ANP32A: variants seen among roughly 807,000 people sequenced by gnomAD.
ANP32A encodes acidic leucine-rich nuclear phosphoprotein 32 family member A.
ANP32A carries 1 observed loss-of-function variant against 33.9 expected under a neutral mutation model. That is an observed-to-expected ratio of 0.03 (90% CI 0.01 to 0.14). ANP32A has a LOEUF of 0.14. ANP32A is among the 10% of genes least tolerant of loss of function. The pLI is 1.00. For synonymous variants in ANP32A, 115 were observed against 120.5 expected, an observed-to-expected ratio of 0.95 and a Z score of 0.30; for missense variants, 155 against 306.0, an observed-to-expected ratio of 0.51 and a Z score of 3.68.
chr15:68,785,633 C>A (rs772175908), intron 3 of ANP32A, among the ~76,000 whole-genome samples: 2 of 152,176 alleles, frequency 1.3e-5, no homozygotes, highest in Non-Finnish European at 2.9e-5. Context: ...GCAAGCCCAG[C>A]ACCTGCTACC....
chr15:68,819,616 T>C (rs1476470173), intron 1 of ANP32A, among the ~76,000 whole-genome samples: 2 of 152,186 alleles, frequency 1.3e-5, no homozygotes, highest in Admixed American at 6.5e-5. Flanking sequence ...CCGTGCCCAT[T>C]TATTAAGCAG....
intron 1 of ANP32A, among the ~76,000 whole-genome samples, chr15:68,804,630 C>T (rs143828655): frequency 1.5e-3 from 222 of 152,318 alleles, no homozygotes; most frequent in African/African-American, 5.2e-3. Flanking sequence ...ATTCTCCTGC[C>T]TCAGCCTCCT....
intron 1 of ANP32A, among the ~76,000 whole-genome samples, chr15:68,807,432 G>GGT (rs1555424020): frequency 3.4e-5 from 5 of 148,608 alleles, no homozygotes; most frequent in African/African-American, 4.9e-5. Flanking sequence ...GAAAACGGGG[G>GGT]GGGGGGAGTC....
At chr15:68,807,432 G>GGC (rs1555424020) in intron 1 of ANP32A, among the ~76,000 whole-genome samples, 2 of 148,608 alleles carry the variant, frequency 1.3e-5, no homozygotes, top group Admixed American at 6.7e-5. Flanking sequence ...GAAAACGGGG[G>GGC]GGGGGGAGTC....
At chr15:68,790,878 G>A (rs1190843848) in intron 1 of ANP32A, 4 of 152,152 alleles carry the variant, frequency 2.6e-5, no homozygotes, top group Non-Finnish European at 2.9e-5. Context: ...TTGGCGTGCT[G>A]GGTACTTTGA....
intron 5 of ANP32A, among the ~76,000 whole-genome samples, chr15:68,782,078 TA>T (rs1284743783): frequency 6.6e-6 from 1 of 152,226 alleles, no homozygotes; most frequent in Non-Finnish European, 1.5e-5. Context: ...TTGTCCATGC[TA>T]TTGTCACTTT....
intron 1 of ANP32A, among the ~76,000 whole-genome samples, chr15:68,816,401 A>C (rs1484634672): frequency 6.6e-6 from 1 of 150,764 alleles, no homozygotes; most frequent in Non-Finnish European, 1.5e-5. Flanking sequence ...GACGATGATA[A>C]TAATAATACC....
At position 68,780,242 on chromosome 15, in the gene ANP32A, G is replaced by A. The variant is rs1165698198; in HGVS notation, c.689-100C>T. ...TCAGGGGACCCATGACTAGCAAGCT[G>A]TGCCATCCTTGGAAACCGAGGCAAG... On this transcript the variant is annotated intron_variant, in intron 6 of 6. Transcript: ENST00000465139. The surrounding 1 kb of genome is among the most constrained non-coding windows in gnomAD (Gnocchi z 4.3). The A allele has an allele frequency of 9.6e-6, 15 of 1,570,440 alleles. No individual in the cohort carries two copies. The highest frequency in any genetic ancestry group is 3.4e-4 in the Middle Eastern group (2 of 5,916).
chr15:68,815,517 T>C (rs1367697123), intron 1 of ANP32A, among the ~76,000 whole-genome samples: 1 of 152,220 alleles, frequency 6.6e-6, no homozygotes, highest in African/African-American at 2.4e-5. Context: ...ACCATCAAAT[T>C]GACTGCAACG....
chr15:68,793,556 G>A (rs1894025262), intron 1 of ANP32A, among the ~76,000 whole-genome samples: 1 of 152,186 alleles, frequency 6.6e-6, no homozygotes, highest in Non-Finnish European at 1.5e-5. Flanking sequence ...GGCCGGCTGG[G>A]AGGAGACAGC....
At chr15:68,790,454 G>C (rs1893985310) in intron 1 of ANP32A, 1 of 152,218 alleles carries the variant, frequency 6.6e-6, no homozygotes, top group Non-Finnish European at 1.5e-5. Context: ...TCGGAGCCCT[G>C]ACGAGGCCAG....
At chr15:68,790,305 G>C (rs1245185162) in intron 1 of ANP32A, 6 of 152,292 alleles carry the variant, frequency 3.9e-5, no homozygotes, top group Non-Finnish European at 5.9e-5. Context: ...AGAGAGCAGT[G>C]CTGGGGAGCC....
chr15:68,808,196 A>G (rs1894263470), intron 1 of ANP32A, among the ~76,000 whole-genome samples: 1 of 152,212 alleles, frequency 6.6e-6, no homozygotes, highest in East Asian at 1.9e-4. Context: ...GTGGTTCCCA[A>G]CTGTGCTTTA....
At position 68,780,573 on chromosome 15, in the gene ANP32A, C is replaced by CCTG; in HGVS notation, c.625-101_625-100insCAG. Reference sequence around the variant, plus strand: ...CAAAAAGGCCGGGGTCACCCCCAGCCTCTCAGAGCCCCCACCAAGACTTGA... The same window carrying CCTG: ...CAAAAAGGCCGGGGTCACCCCCAGCCCTGTCTCAGAGCCCCCACCAAGACTTGA... On this transcript the variant is annotated intron_variant, in intron 5 of 6. Coordinates refer to ENST00000465139, the MANE Select transcript of ANP32A (RefSeq NM_006305.4). This position sits in a 1 kb window ranked among gnomAD's most constrained non-coding sequence, Gnocchi z 4.3. 6.5e-7 allele frequency: 1 copy of CCTG among 1,532,248 alleles called. No individual in the cohort carries two copies. The highest frequency in any genetic ancestry group is 8.7e-7 in the Non-Finnish European group (1 of 1,144,586). 94.9% of individuals were successfully genotyped at this position (1,532,248 alleles called of 1,614,324 possible).
chr15:68,801,559 T>C (rs1467721290), intron 1 of ANP32A, among the ~76,000 whole-genome samples: 2 of 152,126 alleles, frequency 1.3e-5, no homozygotes, highest in East Asian at 3.9e-4. Flanking sequence ...GAGGTTACTA[T>C]GATAAATTTT....
At chr15:68,791,849 G>A (rs530480466) in intron 1 of ANP32A, 1 of 152,820 alleles carries the variant, frequency 6.5e-6, no homozygotes, top group South Asian at 2.1e-4. Context: ...GAGATGAAGA[G>A]GGGTCCCAGT....
intron 1 of ANP32A, among the ~76,000 whole-genome samples, chr15:68,807,959 C>T (rs1399421929): frequency 6.6e-6 from 1 of 152,202 alleles, no homozygotes; most frequent in Non-Finnish European, 1.5e-5. Flanking sequence ...TCCTGAGATA[C>T]ACGTAAATGA....
intron 1 of ANP32A, among the ~76,000 whole-genome samples, chr15:68,818,619 A>AACAC (rs3084749): frequency 0.038 from 5,704 of 151,354 alleles, 140 homozygotes; most frequent in East Asian, 0.14. Flanking sequence ...TCCCCTCCCC[A>AACAC]ACACACACAC....
intron 1 of ANP32A, among the ~76,000 whole-genome samples, chr15:68,813,585 G>A (rs1894339634): frequency 6.6e-6 from 1 of 152,206 alleles, no homozygotes; most frequent in African/African-American, 2.4e-5. Flanking sequence ...GACTGGGAGA[G>A]GGTAGTTCCT....
Sources: gnomAD v4.1 joint callset for allele counts (sites outside exome capture counted in the v4.1 genomes callset) on GRCh38, gnomAD v4.1.1 for gene constraint, Gnocchi (gnomAD v3.1) non-coding constraint, MANE v1.5 for transcripts, NCBI Gene and HGNC (gene_info 2026-07-23, HGNC 2026-07-21) for gene names.